The following SPOCK1 variants were observed in gnomAD, a reference collection of about 807,000 sequenced individuals.
SPOCK1 encodes the protein SPARC (osteonectin), cwcv and kazal like domains proteoglycan 1.
A neutral mutation model predicts 55.3 loss-of-function variants in SPOCK1; 23 were observed. That is an observed-to-expected ratio of 0.42 (90% CI 0.30 to 0.59). The LOEUF (loss-of-function observed/expected upper bound fraction) is 0.59, where lower values mean the gene tolerates loss of function less well. SPOCK1 is among the 20% of genes least tolerant of loss of function. The pLI is 0.22. For synonymous variants in SPOCK1, 226 were observed against 221.0 expected (o/e 1.02, Z -0.20); for missense variants, 499 against 552.5 (o/e 0.90, Z 0.97).
At chr5:137,367,833 C>G (rs191884285) in intron 2 of SPOCK1, among the ~76,000 whole-genome samples, 1 of 152,328 alleles carries the variant, frequency 6.6e-6, no homozygotes, top group East Asian at 1.9e-4. Context: ...ATAAAATGGG[C>G]ATCCCTGCCC....
chr5:137,343,000 G>A (rs930417476), intron 2 of SPOCK1, among the ~76,000 whole-genome samples: 5 of 152,248 alleles, frequency 3.3e-5, no homozygotes, highest in Non-Finnish European at 7.3e-5. Context: ...TCTGATGCCA[G>A]ATCAAGTGTT....
chr5:137,456,706 C>G (rs1412947483), intron 2 of SPOCK1, among the ~76,000 whole-genome samples: 1 of 152,114 alleles, frequency 6.6e-6, no homozygotes, highest in African/African-American at 2.4e-5. Flanking sequence ...AACCCATAAC[C>G]AGTAAAATGA....
At chr5:137,429,140 T>C (rs1752693744) in intron 2 of SPOCK1, among the ~76,000 whole-genome samples, 1 of 152,228 alleles carries the variant, frequency 6.6e-6, no homozygotes, top group Non-Finnish European at 1.5e-5. Context: ...TTTCTCCTAT[T>C]CACTCATTGT....
In SPOCK1 at chr5:137,498,521, G is replaced by C; in HGVS notation, c.38C>G (p.Ala13Gly). 1 of 1,547,622 alleles carries C rather than the reference G, an allele frequency of 6.5e-7. No homozygotes were observed. Among genetic ancestry groups the C allele is most frequent in the Non-Finnish European group, 8.7e-7 (1 of 1,153,868 alleles). ...GCTCTCGACTTGGAGGAAGCACCAC[G>C]CCGCGGCGGCCGCCGCCAACACCGC... is the stretch of plus-strand genomic sequence containing the variant. ...AIAVLAAAAA[A>G]WCFLQVESRH... The change falls in exon 2 of 11, where the codon GCG becomes GGG. Residue 13 changes from alanine (A) to glycine (G), a missense_variant. This residue lies in a region of SPOCK1 where 386 missense variants were observed against 400.6 expected (regional missense o/e 0.96). Coordinates refer to ENST00000394945, the MANE Select transcript of SPOCK1 (RefSeq NM_004598.4).
intron 5 of SPOCK1, among the ~76,000 whole-genome samples, chr5:137,074,128 C>A (rs76435464): frequency 0.02 from 3,090 of 152,182 alleles, 102 homozygotes; most frequent in African/African-American, 0.07. Context: ...AAAAGCAAAC[C>A]AAACAAACCT....
At chr5:137,456,760 G>A (rs1215694378) in intron 2 of SPOCK1, among the ~76,000 whole-genome samples, 3 of 152,154 alleles carry the variant, frequency 2.0e-5, no homozygotes, top group Non-Finnish European at 4.4e-5. Context: ...GGATACCGTG[G>A]TAGACTGAAA....
chr5:137,366,206 A>G (rs920573940), intron 2 of SPOCK1, among the ~76,000 whole-genome samples: 1 of 152,242 alleles, frequency 6.6e-6, no homozygotes, highest in Non-Finnish European at 1.5e-5. Context: ...AGAATAAGAC[A>G]GCACTGTTCA....
intron 2 of SPOCK1, among the ~76,000 whole-genome samples, chr5:137,356,372 C>T (rs1223506102): frequency 6.6e-6 from 1 of 152,138 alleles, no homozygotes. Flanking sequence ...ATTTAGGAAA[C>T]TTAGTGGGAA....
At chr5:137,131,710 C>A (rs895207781) in intron 4 of SPOCK1, among the ~76,000 whole-genome samples, 1 of 151,522 alleles carries the variant, frequency 6.6e-6, no homozygotes, top group Admixed American at 6.6e-5. Flanking sequence ...TGGTAGCTCA[C>A]GCCTGTAATC....
chr5:137,326,798 G>A (rs907102623), intron 2 of SPOCK1, among the ~76,000 whole-genome samples: 8 of 152,112 alleles, frequency 5.3e-5, no homozygotes, highest in Non-Finnish European at 8.8e-5. Flanking sequence ...TTGACTGTTC[G>A]GAATTTTAAT....
At chr5:137,274,827 G>A (rs1757031420) in intron 2 of SPOCK1, among the ~76,000 whole-genome samples, 2 of 152,150 alleles carry the variant, frequency 1.3e-5, no homozygotes, top group Non-Finnish European at 2.9e-5. Context: ...GGCATATTTT[G>A]CGTAAAGGGC....
chr5:137,481,571 T>C (rs1442248118), intron 2 of SPOCK1, among the ~76,000 whole-genome samples: 1 of 152,230 alleles, frequency 6.6e-6, no homozygotes, highest in African/African-American at 2.4e-5. Context: ...CAGTCTTACA[T>C]GCATTTCACA....
At chr5:137,381,482 C>T (rs1440130273) in intron 2 of SPOCK1, among the ~76,000 whole-genome samples, 1 of 152,196 alleles carries the variant, frequency 6.6e-6, no homozygotes, top group Non-Finnish European at 1.5e-5. Context: ...ACACTTCTGC[C>T]TAAACATCCA....
At chr5:137,130,541 C>T (rs778033421) in intron 4 of SPOCK1, among the ~76,000 whole-genome samples, 7 of 152,258 alleles carry the variant, frequency 4.6e-5, no homozygotes, top group Non-Finnish European at 1.0e-4. Flanking sequence ...CATTTCATCA[C>T]TGTCACCATA....
chr5:137,086,554 T>G (rs1752964728), intron 5 of SPOCK1, among the ~76,000 whole-genome samples: 1 of 152,102 alleles, frequency 6.6e-6, no homozygotes, highest in South Asian at 2.1e-4. Context: ...AATAAAGGCC[T>G]TCTCGGGAGG....
chr5:137,419,186 C>T (rs1332792072), intron 2 of SPOCK1, among the ~76,000 whole-genome samples: 4 of 152,144 alleles, frequency 2.6e-5, no homozygotes, highest in South Asian at 4.1e-4. Flanking sequence ...TAGTACCATG[C>T]TGTTTTGGTT....
chr5:137,082,755 G>A (rs903835869), intron 5 of SPOCK1, among the ~76,000 whole-genome samples: 1 of 152,224 alleles, frequency 6.6e-6, no homozygotes, highest in African/African-American at 2.4e-5. Flanking sequence ...TAAGCAAAGT[G>A]GGGCAGCTTC....
intron 2 of SPOCK1, among the ~76,000 whole-genome samples, chr5:137,418,144 T>A (rs977200448): frequency 7.9e-5 from 12 of 152,216 alleles, no homozygotes; most frequent in African/African-American, 2.9e-4. Flanking sequence ...TCATCATTTT[T>A]TATGGCTGCA....
At chr5:137,184,859 C>G (rs1367577662) in intron 3 of SPOCK1, among the ~76,000 whole-genome samples, 1 of 152,144 alleles carries the variant, frequency 6.6e-6, no homozygotes, top group Admixed American at 6.5e-5. Context: ...TTGCAGCTCC[C>G]TCTGAGCCCT....
Sources: allele counts gnomAD v4.1 joint callset (sites outside exome capture counted in the v4.1 genomes callset), GRCh38; gene constraint gnomAD v4.1.1; regional missense constraint gnomAD v4.1.1; transcripts MANE v1.5; gene names NCBI Gene and HGNC (gene_info 2026-07-23, HGNC 2026-07-21).